Variants in C2CD3 observed in about 807,000 individuals in gnomAD.
C2CD3 encodes the protein C2 domain-containing protein 3.
C2CD3 carries 148 observed loss-of-function variants against 234.0 expected under a neutral mutation model. That is an observed-to-expected ratio of 0.63 (90% CI 0.55 to 0.72). The LOEUF (loss-of-function observed/expected upper bound fraction) is 0.72, where lower values mean the gene tolerates loss of function less well. Among genes scored for constraint, C2CD3 ranks in the 30% least tolerant of loss-of-function variants. C2CD3 has a pLI of 0.00. For synonymous variants in C2CD3, 1,000 were observed against 1,035.4 expected, an observed-to-expected ratio of 0.97 and a Z score of 0.66; for missense variants, 2,577 against 2,811.5, an observed-to-expected ratio of 0.92 and a Z score of 1.89.
At chr11:74,151,535 C>T (rs1043998305) in intron 3 of C2CD3, among the ~76,000 whole-genome samples, 1 of 151,764 alleles carries the variant, frequency 6.6e-6, no homozygotes, top group Non-Finnish European at 1.5e-5. Flanking sequence ...CCATGTTGGC[C>T]AGGCTGGTTT....
At chr11:74,045,437 G>A (rs1049075810) in intron 28 of C2CD3, among the ~76,000 whole-genome samples, 1 of 152,302 alleles carries the variant, frequency 6.6e-6, no homozygotes, top group East Asian at 1.9e-4. Flanking sequence ...AAAGCCAGCA[G>A]GAATTTTGAT....
chr11:74,084,254 G>A (rs984519358), intron 22 of C2CD3, among the ~76,000 whole-genome samples: 4 of 152,004 alleles, frequency 2.6e-5, no homozygotes, highest in African/African-American at 9.7e-5. Flanking sequence ...GAGAACACTT[G>A]GACACACGGC....
Position 74,090,927 on chromosome 11 carries a change from T to A in C2CD3, c.3527A>T (p.Asp1176Val), listed in dbSNP as rs1203025148. Reference protein sequence around the residue: ...ELRNQSSGLLDVGLRYRRSPR... With the variant: ...ELRNQSSGLLVVGLRYRRSPR... ...ACTACGCCTGTACCTTAGGCCCACA[T>A]CCAGTAAACCTGAAGAATGAGGACA... is the stretch of plus-strand genomic sequence containing the variant. The change falls in exon 20 of 33, where the codon GAT (aspartate) becomes GTT (valine). Residue 1176 changes from aspartate to valine, a missense_variant. Coordinates refer to ENST00000334126, the MANE Select transcript of C2CD3 (RefSeq NM_001286577.2). The A allele has an allele frequency of 6.2e-7, 1 of 1,613,868 alleles. No individual in the cohort carries two copies. Among genetic ancestry groups the A allele is most frequent in the South Asian group, 1.1e-5 (1 of 91,060 alleles).
rs1410567835 is a variant in C2CD3 at position 74,078,449 on chromosome 11, AAGCAG to A, written c.4264_4268del (p.Leu1422CysfsTer8). Reference sequence around the variant, plus strand: ...TCTTATGAATGTGGTTGTGGCCAGCAAGCAGCACACAATGGATGGGCAGCCACAGC... The same window carrying A: ...TCTTATGAATGTGGTTGTGGCCAGCACACACAATGGATGGGCAGCCACAGC... On this transcript the variant is annotated frameshift_variant, in exon 23 of 33. Coordinates refer to ENST00000334126, the MANE Select transcript of C2CD3 (RefSeq NM_001286577.2). LOFTEE classifies it high-confidence loss of function. 1 of 1,614,090 alleles carries A rather than the reference AAGCAG, an allele frequency of 6.2e-7. No homozygotes were observed. Among genetic ancestry groups the A allele is most frequent in the East Asian group, 2.2e-5 (1 of 44,892 alleles).
Position 74,078,212 on chromosome 11 carries a change from ACT to A in C2CD3, c.4504_4505del (p.Ser1502CysfsTer64), listed in dbSNP as rs1480810250. ...IQVWRAYGND[S>X]VERPHQTDSW... Reference sequence around the variant, plus strand: ...TGTCTGTCTGATGGGGTCTCTCCACACTGTCATTGCCATAAGCTCGCCACACT... The same window carrying A: ...TGTCTGTCTGATGGGGTCTCTCCACAGTCATTGCCATAAGCTCGCCACACT... On this transcript the variant is annotated frameshift_variant, in exon 23 of 33. Coordinates refer to ENST00000334126, the MANE Select transcript of C2CD3 (RefSeq NM_001286577.2). LOFTEE classifies it high-confidence loss of function. 1 of 1,614,002 alleles carries A rather than the reference ACT, an allele frequency of 6.2e-7. No homozygotes were observed. The highest frequency in any genetic ancestry group is 1.7e-5 in the Admixed American group (1 of 59,998).
At chr11:74,035,584 G>A (rs1357762277) in intron 30 of C2CD3, among the ~76,000 whole-genome samples, 1 of 151,864 alleles carries the variant, frequency 6.6e-6, no homozygotes, top group Non-Finnish European at 1.5e-5. Context: ...TATAGCTCTG[G>A]CTTAAAAAAA....
intron 3 of C2CD3, chr11:74,142,473 GATAA>G (rs1854871868): frequency 6.6e-6 from 1 of 152,140 alleles, no homozygotes; most frequent in Admixed American, 6.5e-5. Context: ...AGTTTCTACT[GATAA>G]ATAAACAATT....
Position 74,132,829 on chromosome 11 carries a change from G to A in C2CD3, c.1217+15C>T, listed in dbSNP as rs747887275. 19 of 1,609,874 alleles carry A rather than the reference G, an allele frequency of 1.2e-5. 1 individual carries two copies. Among genetic ancestry groups the A allele is most frequent in the Middle Eastern group, 3.3e-4 (2 of 6,060 alleles). Reference sequence around the variant, plus strand: ...GAAGAGTTTAAAAGGAAGAAAGCCAGTTAATAGTGCTTACCTGCCTAATAG... The same window carrying A: ...GAAGAGTTTAAAAGGAAGAAAGCCAATTAATAGTGCTTACCTGCCTAATAG... On this transcript the variant is annotated intron_variant, in intron 7 of 32. Transcript: ENST00000334126.
intron 32 of C2CD3, among the ~76,000 whole-genome samples, chr11:74,017,184 G>A (rs1484860996): frequency 6.6e-6 from 1 of 152,182 alleles, no homozygotes; most frequent in Non-Finnish European, 1.5e-5. Context: ...TGTCTGGGGG[G>A]AATTTGATCT....
chr11:74,108,667 A>G (rs1174607648), intron 12 of C2CD3, among the ~76,000 whole-genome samples: 2 of 152,186 alleles, frequency 1.3e-5, no homozygotes, highest in African/African-American at 4.8e-5. Context: ...TGAGATCTAA[A>G]GACAGCAGAT....
At position 74,077,312 on chromosome 11, in the gene C2CD3, T is replaced by C. The variant is rs142117738; in HGVS notation, c.4603+803A>G. On this transcript the variant is annotated intron_variant, in intron 23 of 32. Coordinates refer to ENST00000334126, the MANE Select transcript of C2CD3 (RefSeq NM_001286577.2). ...GTTAACAATGTTCTAAGCACTATGT[T>C]AAATGCAAAAATCCGATGAGTTTGG... is the stretch of plus-strand genomic sequence containing the variant. Among the ~76,000 whole-genome samples the C allele has an allele frequency of 4.6e-5, 7 of 152,258 alleles. No individual in the cohort carries two copies. In the East Asian group the frequency reaches 1.3e-3, roughly 29 times the overall value.
chr11:74,063,513 A>C (rs1177208912), intron 24 of C2CD3, among the ~76,000 whole-genome samples: 1 of 152,192 alleles, frequency 6.6e-6, no homozygotes, highest in Non-Finnish European at 1.5e-5. Flanking sequence ...TATAAACAGA[A>C]CCAAAGACAA....
rs1955610388 is a variant in C2CD3, at chr11:74,085,733, A to G, written c.3795T>C (p.Val1265=). ...CSFCPEFSHH[V]EFTCNLVTQH... ...GAGTCACCAAGTTACATGTGAACTCAACGTGATGGGAGAACTCAGGGCAGA... is the reference window on the plus strand; with the variant it reads ...GAGTCACCAAGTTACATGTGAACTCGACGTGATGGGAGAACTCAGGGCAGA... Residue 1265 remains valine (V), a synonymous_variant, in exon 21 of 33, where the codon GTT becomes GTC. Coordinates refer to ENST00000334126, the MANE Select transcript of C2CD3 (RefSeq NM_001286577.2). 1 of 1,614,184 alleles carries G rather than the reference A, an allele frequency of 6.2e-7. No homozygotes were observed. The highest frequency in any genetic ancestry group is 2.2e-5 in the East Asian group (1 of 44,874).
chr11:74,167,427 T>C (rs1856881763), intron 2 of C2CD3, among the ~76,000 whole-genome samples: 1 of 152,262 alleles, frequency 6.6e-6, no homozygotes, highest in Admixed American at 6.5e-5. Context: ...TATTAATTTT[T>C]TGGATTTTTT....
intron 2 of C2CD3, among the ~76,000 whole-genome samples, chr11:74,167,737 T>C (rs1012026332): frequency 6.6e-6 from 1 of 152,240 alleles, no homozygotes; most frequent in Non-Finnish European, 1.5e-5. Context: ...AGAAGTAACA[T>C]AGTACACTCA....
chr11:74,018,466 A>G (rs1411507402), intron 32 of C2CD3, among the ~76,000 whole-genome samples: 1 of 152,198 alleles, frequency 6.6e-6, no homozygotes, highest in Admixed American at 6.5e-5. Context: ...TCTTTTCCAC[A>G]GTAGCCCCTT....
At chr11:74,018,057 T>C (rs1408487979) in intron 32 of C2CD3, among the ~76,000 whole-genome samples, 3 of 152,230 alleles carry the variant, frequency 2.0e-5, no homozygotes, top group Admixed American at 1.3e-4. Context: ...AAGACCAAGA[T>C]GCTTTCTCAC....
chr11:74,114,308 A>G, intron 10 of C2CD3, 76 bp downstream of exon 10: 2 of 936,178 alleles, frequency 2.1e-6, no homozygotes, highest in Non-Finnish European at 3.4e-6. Flanking sequence ...TCACAGTATT[A>G]TGCAATTGTT....
chr11:74,088,048 C>T (rs951001565), intron 20 of C2CD3, among the ~76,000 whole-genome samples: 3 of 151,842 alleles, frequency 2.0e-5, no homozygotes, highest in South Asian at 2.1e-4. Flanking sequence ...TAGATGCCAG[C>T]GTAAGGATTC....
Sources: gnomAD v4.1 joint callset for allele counts (sites outside exome capture counted in the v4.1 genomes callset) on GRCh38, gnomAD v4.1.1 for gene constraint, MANE v1.5 for transcripts, NCBI Gene and HGNC (gene_info 2026-07-23, HGNC 2026-07-21) for gene names.